Variants in KLHL12 observed in about 807,000 individuals in gnomAD.
KLHL12 encodes the protein kelch like family member 12, also known as kelch-like protein 12.
In KLHL12, 17 loss-of-function variants were observed where a neutral mutation model predicts 60.8. That is an observed-to-expected ratio of 0.28 (90% CI 0.19 to 0.42). The LOEUF is 0.42. KLHL12 is among the 10% of genes least tolerant of loss of function. KLHL12 has a pLI of 1.00. For missense variants in KLHL12, 468 were observed against 722.3 expected, an observed-to-expected ratio of 0.65 and a Z score of 4.04; for synonymous variants, 220 against 250.9, an observed-to-expected ratio of 0.88 and a Z score of 1.16.
In KLHL12 at chr1:202,910,759, A is replaced by T. The variant is rs1001185719; in HGVS notation, c.717+295T>A. Among the ~76,000 whole-genome samples the T allele has an allele frequency of 2.6e-5, 4 of 152,214 alleles. No homozygotes were observed. In the South Asian group the frequency reaches 8.3e-4, roughly 32 times the overall value. ...TGGAACAATTTATGTTTAATGGAGA[A>T]GGGGACAAAGTTTATTATCAAGTGT... On this transcript the variant is annotated intron_variant, in intron 5 of 11. Transcript: ENST00000367261.
chr1:202,910,995 A>AT, intron 5 of KLHL12, 59 bp downstream of exon 5: 11 of 1,582,380 alleles, frequency 7.0e-6, no homozygotes, highest in Non-Finnish European at 8.7e-6. Context: ...TTTTGAATAC[A>AT]TAACACTAAG....
At chr1:202,900,131 C>T in intron 6 of KLHL12, among the ~76,000 whole-genome samples, 1 of 152,086 alleles carries the variant, frequency 6.6e-6, no homozygotes, top group East Asian at 1.9e-4. Context: ...CCCACACCAA[C>T]CAAGAGGTAC....
chr1:202,927,013 T>TG (rs1653602672), intron 1 of KLHL12, 76 bp downstream of exon 1: 4 of 958,476 alleles, frequency 4.2e-6, no homozygotes, highest in Middle Eastern at 5.3e-4. Flanking sequence ...AGACCAAGGA[T>TG]GGGGGGTAGG....
chr1:202,927,540 A>AAAAAAAT (rs1653651624), upstream of KLHL12, among the ~76,000 whole-genome samples: 1 of 148,228 alleles, frequency 6.7e-6, no homozygotes, highest in Non-Finnish European at 1.5e-5. Context: ...AAAAAAAAAA[A>AAAAAAAT]ATTAGCCCGC....
rs570947079 is a variant in KLHL12, at chr1:202,922,648, G to A, written c.195+2320C>T. ...ACTACAGGCGCCCGCCACCACGCACGGCTAATTTTTTGTATTTTTAGTAGA... is the reference window on the plus strand; with the variant it reads ...ACTACAGGCGCCCGCCACCACGCACAGCTAATTTTTTGTATTTTTAGTAGA... On this transcript the variant is annotated intron_variant, in intron 2 of 11. Coordinates refer to ENST00000367261, the MANE Select transcript of KLHL12 (RefSeq NM_021633.4). Among the ~76,000 whole-genome samples, 15 of 151,484 alleles carry A rather than the reference G, an allele frequency of 9.9e-5. No homozygotes were observed. In the South Asian group the frequency reaches 2.9e-3, roughly 29 times the overall value.
chr1:202,917,321 C>T (rs1312983030), intron 4 of KLHL12, among the ~76,000 whole-genome samples: 1 of 152,120 alleles, frequency 6.6e-6, no homozygotes, highest in African/African-American at 2.4e-5. Context: ...CTCCAGAGAT[C>T]CTCCCACCTC....
In KLHL12 at chr1:202,895,701, C is replaced by T; in HGVS notation, c.956G>A (p.Arg319Lys). Reference protein sequence around the residue: ...WSFLPSITRKRRYVASVSLHD... With the variant: ...WSFLPSITRKKRYVASVSLHD... Reference sequence around the variant, plus strand: ...AAGGGACACTGAGGCCACATAACGTCTCTTACGAGTGATGCTCTATGGATT... The same window carrying T: ...AAGGGACACTGAGGCCACATAACGTTTCTTACGAGTGATGCTCTATGGATT... Residue 319 changes from arginine (R) to lysine (K), a missense_variant, in exon 8 of 12, where the codon AGA (arginine) becomes AAA (lysine). By Grantham distance (26) the Arg-to-Lys change is conservative. Around this residue, in one of 4 missense-constraint regions of KLHL12, gnomAD observed 339 missense variants for 525.0 expected, o/e 0.65. Transcript: ENST00000367261. The surrounding 1 kb of genome is among the most constrained non-coding windows in gnomAD (Gnocchi z 4.2). 1.2e-6 allele frequency: 2 copies of T among 1,614,040 alleles called. No individual in the cohort carries two copies. The highest frequency in any genetic ancestry group is 1.7e-6 in the Non-Finnish European group (2 of 1,179,910).
chr1:202,917,616 C>A (rs1350581180), intron 4 of KLHL12, among the ~76,000 whole-genome samples: 1 of 152,160 alleles, frequency 6.6e-6, no homozygotes, highest in Non-Finnish European at 1.5e-5. Flanking sequence ...CACTTCCAAA[C>A]TTTTGTCTCT....
intron 3 of KLHL12, among the ~76,000 whole-genome samples, chr1:202,919,484 C>T (rs1187244492): frequency 6.6e-6 from 1 of 151,758 alleles, no homozygotes; most frequent in East Asian, 1.9e-4. Context: ...TGTAAGAAAA[C>T]ACATAATTTC....
intron 3 of KLHL12, among the ~76,000 whole-genome samples, chr1:202,919,059 G>A (rs991539079): frequency 4.6e-5 from 7 of 152,186 alleles, no homozygotes; most frequent in Admixed American, 2.0e-4. Flanking sequence ...AGACCAGCCT[G>A]AGCAACATAG....
chr1:202,906,055 G>A (rs1299755475), intron 6 of KLHL12, among the ~76,000 whole-genome samples: 3 of 139,166 alleles, frequency 2.2e-5, no homozygotes, highest in South Asian at 4.6e-4. Context: ...TCCTGACCTC[G>A]TGATCCACCC....
In KLHL12 at chr1:202,912,820, C is replaced by G. The variant is rs1660405991; in HGVS notation, c.568-1617G>C. 10 of 765,842 alleles carry G rather than the reference C, an allele frequency of 1.3e-5. No individual in the cohort carries two copies. In the East Asian group the frequency reaches 2.6e-4, roughly 20 times the overall value. 47.4% of individuals were successfully genotyped at this position (765,842 alleles called of 1,614,324 possible). A position where few individuals can be genotyped will look rare whatever the true frequency, so the allele number is the denominator to read the frequency against. ...ACAGATTTGTGAACTCAGCCAAGCA[C>G]AGTGGTGGCAGGGCCTAACTGCTAC... On this transcript the variant is annotated intron_variant, in intron 4 of 11. Transcript: ENST00000367261.
intron 4 of KLHL12, among the ~76,000 whole-genome samples, chr1:202,911,456 ATCTCTC>A (rs10577552): frequency 0.039 from 5,762 of 148,996 alleles, 150 homozygotes; most frequent in South Asian, 0.12. Flanking sequence ...ATATATATGT[ATCTCTC>A]TCTCTCTCTC....
At position 202,894,736 on chromosome 1, in the gene KLHL12, G is replaced by A. The variant is rs184684820; in HGVS notation, c.1149C>T (p.Val383=). The A allele has an allele frequency of 1.2e-6, 2 of 1,613,556 alleles. No homozygotes were observed. The highest frequency in any genetic ancestry group is 1.7e-6 in the Non-Finnish European group (2 of 1,179,472). ...GCCTGCTTCCATCAAAGCCTCCAGA[G>A]ACATAGATCATATCTGCTCAGAATA... The part of the protein sequence containing the change: ...GATTLGDMIY[V]SGGFDGSRRH... The change falls in exon 9 of 12, where the codon GTC becomes GTT. Residue 383 remains valine, a synonymous_variant. Coordinates refer to ENST00000367261, the MANE Select transcript of KLHL12 (RefSeq NM_021633.4).
intron 6 of KLHL12, among the ~76,000 whole-genome samples, chr1:202,903,728 T>G (rs1660094901): frequency 6.7e-6 from 1 of 148,784 alleles, no homozygotes; most frequent in Admixed American, 6.9e-5. Flanking sequence ...GCTAAAATGA[T>G]TCTCCTGCCT....
intron 1 of KLHL12, among the ~76,000 whole-genome samples, chr1:202,925,887 T>C (rs1007379391): frequency 6.6e-5 from 10 of 151,862 alleles, no homozygotes; most frequent in Middle Eastern, 6.3e-3. Context: ...GGGTGATCAG[T>C]TGAGGTCAGG....
chr1:202,914,168 G>A (rs1375961054), intron 4 of KLHL12, among the ~76,000 whole-genome samples: 9 of 152,198 alleles, frequency 5.9e-5, no homozygotes, highest in Admixed American at 1.3e-4. Flanking sequence ...GAAATCATCC[G>A]AAGGTTTCAA....
rs1659817051 is a variant in KLHL12 at position 202,895,865 on chromosome 1, G to A, written c.940-148C>T. ...CTCCTTAAGTGGTTCATCCTCAAGT[G>A]GCTCCCAAATAGCTACCTACTGAAC... On this transcript the variant is annotated intron_variant, in intron 7 of 11. Transcript: ENST00000367261. This position sits in a 1 kb window ranked among gnomAD's most constrained non-coding sequence, Gnocchi z 4.2. The A allele has an allele frequency of 1.6e-6, 1 of 618,190 alleles. No individual in the cohort carries two copies. The allele number at this position is 618,190 out of a possible 1,614,324, so 38.3% of individuals were successfully genotyped here.
Position 202,911,011 on chromosome 1 carries a change from A to T in KLHL12, c.717+43T>A, listed in dbSNP as rs374654325. 1.7e-5 allele frequency: 28 copies of T among 1,603,930 alleles called. No homozygotes were observed. The African/African-American group carries it at 3.5e-4, about 20-fold the overall frequency. On this transcript the variant is annotated intron_variant, in intron 5 of 11. Transcript: ENST00000367261. The stretch of plus-strand genomic sequence containing the variant: ...TTTGAATACATAACACTAAGGTAAG[A>T]GTCCGTCAAGGTTTTGGATCCTGAG...
Sources: gnomAD v4.1 joint callset for allele counts (sites outside exome capture counted in the v4.1 genomes callset) on GRCh38, gnomAD v4.1.1 for gene constraint, gnomAD v4.1.1 regional missense constraint, Gnocchi (gnomAD v3.1) non-coding constraint, MANE v1.5 for transcripts, NCBI Gene and HGNC (gene_info 2026-07-23, HGNC 2026-07-21) for gene names.